The following FZD3 variants were observed in gnomAD, a reference collection of about 807,000 sequenced individuals.
FZD3 encodes frizzled-3.
Under a neutral mutation model 60.7 loss-of-function variants are expected in FZD3, and 30 were observed. The ratio of observed to expected loss-of-function variants is 0.49; its 90% CI spans 0.37 to 0.67. The LOEUF (loss-of-function observed/expected upper bound fraction) is 0.67, where lower values mean the gene tolerates loss of function less well. FZD3 is among the 30% of genes least tolerant of loss of function. FZD3 has a pLI of 0.00. For synonymous variants in FZD3, 246 were observed against 275.2 expected (o/e 0.89, Z 1.05); for missense variants, 605 against 838.7 (o/e 0.72, Z 3.44).
At position 28,499,979 on chromosome 8, in the gene FZD3, G is replaced by A. The variant is rs1181905032; in HGVS notation, c.-345+1G>A. Reference sequence around the variant, plus strand: ...ACTTATGGAGCACTTGTAACCTGAGGTAATCATTAGAATGCATATCATTCT... The same window carrying A: ...ACTTATGGAGCACTTGTAACCTGAGATAATCATTAGAATGCATATCATTCT... On this transcript the variant is annotated splice_donor_variant, in intron 2 of 7. Coordinates refer to ENST00000240093, the MANE Select transcript of FZD3 (RefSeq NM_017412.4). LOFTEE classifies it low-confidence loss of function (5UTR_SPLICE). The A allele has an allele frequency of 6.6e-6, 1 of 152,102 alleles. No individual in the cohort carries two copies. Among genetic ancestry groups the A allele is most frequent in the Non-Finnish European group, 1.5e-5 (1 of 68,026 alleles). 9.4% of individuals were successfully genotyped at this position (152,102 alleles called of 1,614,324 possible). A position where few individuals can be genotyped will look rare whatever the true frequency, so the allele number is the denominator to read the frequency against.
At chr8:28,561,206 G>A (rs12550610) in intron 7 of FZD3, among the ~76,000 whole-genome samples, 80,628 of 151,606 alleles carry the variant, frequency 0.53, 21,956 homozygotes, top group South Asian at 0.63. Context: ...ACAGGTGCCC[G>A]CAACCATGCC....
chr8:28,538,259 G>A (rs1333742460), intron 5 of FZD3, among the ~76,000 whole-genome samples: 4 of 151,744 alleles, frequency 2.6e-5, no homozygotes. Flanking sequence ...ATCTTTGAAG[G>A]CATTACCATA....
chr8:28,499,359 T>G (rs574614163), intron 1 of FZD3, among the ~76,000 whole-genome samples: 2 of 152,198 alleles, frequency 1.3e-5, no homozygotes, highest in African/African-American at 2.4e-5. Flanking sequence ...CTCATCATTT[T>G]TAGTAACTAT....
intron 1 of FZD3, among the ~76,000 whole-genome samples, chr8:28,494,653 C>A (rs1208705138): frequency 6.6e-6 from 1 of 152,026 alleles, no homozygotes; most frequent in East Asian, 1.9e-4. Context: ...GGAGCTGCCC[C>A]GGGAGACTGT....
At chr8:28,539,529 G>A (rs868484492) in intron 5 of FZD3, among the ~76,000 whole-genome samples, 4 of 152,320 alleles carry the variant, frequency 2.6e-5, no homozygotes, top group African/African-American at 4.8e-5. Context: ...GCTAAGCAGT[G>A]TAGTGTAGTT....
intron 1 of FZD3, among the ~76,000 whole-genome samples, chr8:28,499,462 T>G (rs992769963): frequency 9.2e-5 from 14 of 152,308 alleles, no homozygotes; most frequent in Non-Finnish European, 1.0e-4. Flanking sequence ...GGGTTTTTTT[T>G]GTTATAAACA....
At chr8:28,530,099 G>C (rs1252015072) in intron 5 of FZD3, among the ~76,000 whole-genome samples, 2 of 24,778 alleles carry the variant, frequency 8.1e-5, no homozygotes, top group African/African-American at 1.5e-4. Flanking sequence ...CTGTGTGTGT[G>C]TGTGTGTGTG....
chr8:28,531,209 C>T (rs1246951430), intron 5 of FZD3, among the ~76,000 whole-genome samples: 2 of 106,472 alleles, frequency 1.9e-5, no homozygotes, highest in Non-Finnish European at 2.2e-5. Flanking sequence ...TTTATACTGT[C>T]GCTGAGTGTT....
chr8:28,500,790 G>A (rs748861126), intron 2 of FZD3, among the ~76,000 whole-genome samples: 14 of 151,426 alleles, frequency 9.2e-5, no homozygotes, highest in South Asian at 8.3e-4. Flanking sequence ...ATGGAGTTTC[G>A]CTCTTGTTGC....
rs535941054 is a variant in FZD3, at chr8:28,506,454, C to T, written c.189+3252C>T. On this transcript the variant is annotated intron_variant, in intron 3 of 7. Coordinates refer to ENST00000240093, the MANE Select transcript of FZD3 (RefSeq NM_017412.4). Reference sequence around the variant, plus strand: ...GAAAAGTTAAAGTGCTGTGTGAATACAGAGCATTCTTCTTTGTTGCCTGTC... The same window carrying T: ...GAAAAGTTAAAGTGCTGTGTGAATATAGAGCATTCTTCTTTGTTGCCTGTC... Among the ~76,000 whole-genome samples the T allele has an allele frequency of 9.9e-5, 15 of 152,266 alleles. No individual in the cohort carries two copies. In the South Asian group the frequency reaches 1.0e-3, roughly 11 times the overall value.
chr8:28,531,089 G>A (rs1317340511), intron 5 of FZD3, among the ~76,000 whole-genome samples: 2 of 152,016 alleles, frequency 1.3e-5, no homozygotes, highest in Non-Finnish European at 2.9e-5. Context: ...TAATATTAAA[G>A]ATACAGTTGA....
At chr8:28,548,427 A>G (rs1805344416) in intron 5 of FZD3, among the ~76,000 whole-genome samples, 1 of 152,080 alleles carries the variant, frequency 6.6e-6, no homozygotes, top group South Asian at 2.1e-4. Context: ...CAGCCTCCCT[A>G]AGTGCTGGGA....
At position 28,527,574 on chromosome 8, in the gene FZD3, T is replaced by C; in HGVS notation, c.814T>C (p.Tyr272His). ...VACNASIPAQ[Y>H]KASTVTQGSH... is the part of the protein sequence containing the mutation. ...CTGCAATGCATCCATCCCTGCACAA[T>C]ATAAGGCTTCCACAGTGACACAAGG... The change falls in exon 5 of 8, where the codon TAT (tyrosine) becomes CAT (histidine). Residue 272 changes from tyrosine to histidine, a missense_variant. Transcript: ENST00000240093. This position sits in a 1 kb window ranked among gnomAD's most constrained non-coding sequence, Gnocchi z 5.0. 1 of 1,614,066 alleles carries C rather than the reference T, an allele frequency of 6.2e-7. No homozygotes were observed. The highest frequency in any genetic ancestry group is 8.5e-7 in the Non-Finnish European group (1 of 1,179,914).
chr8:28,542,971 G>T (rs1805206706), intron 5 of FZD3, among the ~76,000 whole-genome samples: 1 of 152,208 alleles, frequency 6.6e-6, no homozygotes, highest in Non-Finnish European at 1.5e-5. Flanking sequence ...AAAGGGATGA[G>T]TAGGATAGGA....
At position 28,573,306 on chromosome 8, in the gene FZD3, G is replaced by T. The variant is rs956545273; in HGVS notation, c.*10295G>T. 2 of 151,994 alleles carry T rather than the reference G, an allele frequency of 1.3e-5. No homozygotes were observed. Among genetic ancestry groups the T allele is most frequent in the African/African-American group, 4.8e-5 (2 of 41,372 alleles). The allele number at this position is 151,994 out of a possible 1,614,324, so 9.4% of individuals were successfully genotyped here. On this transcript the variant is annotated 3_prime_UTR_variant, in exon 8 of 8. Transcript: ENST00000240093. ...TCTTAAAGAGAAATCTGCATTAAAA[G>T]CAAACACATTGCTGTTAGCTCAAAT...
chr8:28,517,060 C>G (rs1445314743), intron 3 of FZD3, among the ~76,000 whole-genome samples: 2 of 152,106 alleles, frequency 1.3e-5, no homozygotes, highest in African/African-American at 2.4e-5. Context: ...TTTTGTTGCT[C>G]TTAATTCATT....
intron 6 of FZD3, 37 bp from the exon 7 acceptor site, chr8:28,555,701 T>G: frequency 8.9e-7 from 1 of 1,124,006 alleles, no homozygotes; most frequent in Non-Finnish European, 1.4e-6. Flanking sequence ...TGAAGGAAGA[T>G]TGGTATGTAT....
At chr8:28,516,819 T>C (rs1804440932) in intron 3 of FZD3, among the ~76,000 whole-genome samples, 1 of 152,142 alleles carries the variant, frequency 6.6e-6, no homozygotes, top group South Asian at 2.1e-4. Context: ...TCCTCTCTGT[T>C]ACTTTGTTAG....
At chr8:28,513,179 AATTT>A (rs1347548983) in intron 3 of FZD3, among the ~76,000 whole-genome samples, 2 of 152,180 alleles carry the variant, frequency 1.3e-5, no homozygotes, top group African/African-American at 4.8e-5. Context: ...TGAAATTTTT[AATTT>A]ATTTTCTTGT....
Sources: gnomAD v4.1 joint callset for allele counts (sites outside exome capture counted in the v4.1 genomes callset) on GRCh38, gnomAD v4.1.1 for gene constraint, Gnocchi (gnomAD v3.1) non-coding constraint, MANE v1.5 for transcripts, NCBI Gene and HGNC (gene_info 2026-07-23, HGNC 2026-07-21) for gene names.